Variants in IMPA2 observed in about 807,000 individuals in gnomAD.
IMPA2 encodes the protein inositol monophosphatase 2, also known as IMP 2.
IMPA2 carries 32 observed loss-of-function variants against 35.1 expected under a neutral mutation model. The ratio of observed to expected loss-of-function variants is 0.91; its 90% CI spans 0.69 to 1.23. The LOEUF is 1.23. Ranked by LOEUF, IMPA2 falls within the 50% of genes most tolerant of loss-of-function variation. The pLI is 0.00. For missense variants in IMPA2, 334 were observed against 387.6 expected, an observed-to-expected ratio of 0.86 and a Z score of 1.16; for synonymous variants, 135 against 160.6, an observed-to-expected ratio of 0.84 and a Z score of 1.20.
chr18:12,006,947 T>G (rs1907263181), intron 2 of IMPA2, among the ~76,000 whole-genome samples: 1 of 152,070 alleles, frequency 6.6e-6, no homozygotes, highest in South Asian at 2.1e-4. Context: ...CCGGCCAGCA[T>G]GGTGAAACCC....
At chr18:11,994,831 G>C (rs1456711537) in intron 1 of IMPA2, 2 of 152,552 alleles carry the variant, frequency 1.3e-5, no homozygotes, top group African/African-American at 4.8e-5. Context: ...AGTGATAAGT[G>C]CTGTGGGTGC....
chr18:11,993,621 C>T (rs1906875714), intron 1 of IMPA2, among the ~76,000 whole-genome samples: 1 of 152,216 alleles, frequency 6.6e-6, no homozygotes, highest in Admixed American at 6.5e-5. Context: ...TGACCAAGTA[C>T]AGTGGACTGT....
At chr18:12,000,862 G>T (rs946312541) in intron 2 of IMPA2, among the ~76,000 whole-genome samples, 4 of 150,950 alleles carry the variant, frequency 2.6e-5, no homozygotes, top group African/African-American at 7.3e-5. Context: ...TGATCCGCCC[G>T]CCTCGGCCTC....
intron 1 of IMPA2, among the ~76,000 whole-genome samples, chr18:11,997,371 A>C (rs554484374): frequency 1.3e-5 from 2 of 152,354 alleles, no homozygotes; most frequent in African/African-American, 4.8e-5. Context: ...GGAGGCTGTC[A>C]TAGGAATATG....
intron 2 of IMPA2, among the ~76,000 whole-genome samples, chr18:11,999,473 C>T (rs1344285341): frequency 6.6e-6 from 1 of 152,272 alleles, no homozygotes; most frequent in Non-Finnish European, 1.5e-5. Flanking sequence ...CCTTGCACCC[C>T]TGTACTCAAC....
intron 2 of IMPA2, chr18:12,008,404 A>G (rs1907338236): frequency 3.9e-6 from 2 of 517,976 alleles, no homozygotes; most frequent in African/African-American, 3.8e-5. Context: ...GCAAGGCCAC[A>G]TAGTCATGCA....
chr18:12,008,331 A>G (rs1399747927), intron 2 of IMPA2: 1 of 518,810 alleles, frequency 1.9e-6, no homozygotes, highest in South Asian at 1.4e-5. Flanking sequence ...TACTCTCTGC[A>G]GGTCTCCTTT....
At chr18:12,025,232 T>G (rs1167145125) in intron 5 of IMPA2, among the ~76,000 whole-genome samples, 1 of 152,242 alleles carries the variant, frequency 6.6e-6, no homozygotes, top group Non-Finnish European at 1.5e-5. Flanking sequence ...TGCTGGATAA[T>G]ATTCCACTGT....
Position 12,030,367 on chromosome 18 carries a change from G to A in IMPA2, c.776G>A (p.Cys259Tyr). The A allele has an allele frequency of 6.2e-7, 1 of 1,614,188 alleles. No individual in the cohort carries two copies. Among genetic ancestry groups the A allele is most frequent in the East Asian group, 2.2e-5 (1 of 44,886 alleles). The change falls in exon 8 of 8, where the codon TGC (cysteine) becomes TAC (tyrosine). Residue 259 changes from cysteine (C) to tyrosine (Y), a missense_variant. By Grantham distance (194) the Cys-to-Tyr change is radical. Transcript: ENST00000269159. The stretch of plus-strand genomic sequence containing the variant: ...GGTGGACCCCTCGACCTCATGGCTT[G>A]CAGAGTGGTTGCGGCCAGCACCCGG... Reference protein sequence around the residue: ...TSGGPLDLMACRVVAASTREM... With the variant: ...TSGGPLDLMAYRVVAASTREM...
intron 1 of IMPA2, among the ~76,000 whole-genome samples, chr18:11,993,237 G>A (rs182631415): frequency 1.3e-5 from 2 of 152,318 alleles, no homozygotes; most frequent in Admixed American, 1.3e-4. Context: ...TGAATTTAGA[G>A]CTGTCTGATT....
At chr18:12,024,121 C>T (rs1336207260) in intron 5 of IMPA2, among the ~76,000 whole-genome samples, 1 of 152,154 alleles carries the variant, frequency 6.6e-6, no homozygotes, top group Non-Finnish European at 1.5e-5. Context: ...GCAGTTATTG[C>T]ACCAGATGGA....
chr18:11,991,904 C>T lies in IMPA2; in HGVS notation c.97-7150C>T, dbSNP rs683190. ...TGTCTCCCAGGATGGAGTGCAGTGG[C>T]GTAATCTTGGCTCACCGCAACCTCC... On this transcript the variant is annotated intron_variant, in intron 1 of 7. Transcript: ENST00000269159. This position sits in a 1 kb window ranked among gnomAD's most constrained non-coding sequence, Gnocchi z 4.1. Among the ~76,000 whole-genome samples, 49,312 of 150,902 alleles carry T rather than the reference C, an allele frequency of 0.33. 10,305 individuals carry two copies. Among genetic ancestry groups the T allele is most frequent in the East Asian group, 0.6 (3,049 of 5,066 alleles).
intron 1 of IMPA2, among the ~76,000 whole-genome samples, chr18:11,988,634 TGAGATGA>T (rs1906729390): frequency 6.6e-6 from 1 of 152,084 alleles, no homozygotes; most frequent in Admixed American, 6.5e-5. Flanking sequence ...CTTTGGAGGC[TGAGATGA>T]CAGCCTCTGA....
intron 1 of IMPA2, among the ~76,000 whole-genome samples, chr18:11,984,829 G>A (rs1409433405): frequency 1.3e-5 from 2 of 151,168 alleles, no homozygotes; most frequent in East Asian, 4.1e-4. Context: ...TTAGCCGGGC[G>A]TGGTGGCGGG....
chr18:11,985,004 C>T (rs1182391125), intron 1 of IMPA2, among the ~76,000 whole-genome samples: 8 of 148,820 alleles, frequency 5.4e-5, no homozygotes, highest in East Asian at 3.9e-4. Flanking sequence ...ATCAGTCGAG[C>T]GTGGTGGCAC....
intron 1 of IMPA2, among the ~76,000 whole-genome samples, chr18:11,990,757 C>T (rs561864049): frequency 3.9e-5 from 6 of 152,302 alleles, no homozygotes; most frequent in South Asian, 2.1e-4. Context: ...TCAATTGTGA[C>T]GGCTCCAGCC....
intron 2 of IMPA2, among the ~76,000 whole-genome samples, chr18:12,009,471 C>T (rs548073595): frequency 5.9e-5 from 9 of 152,148 alleles, no homozygotes; most frequent in Non-Finnish European, 1.0e-4. Context: ...TCAGCATTGA[C>T]TGGGAGAATC....
intron 5 of IMPA2, among the ~76,000 whole-genome samples, chr18:12,022,649 G>A (rs933956563): frequency 6.7e-6 from 1 of 150,368 alleles, no homozygotes; most frequent in Non-Finnish European, 1.5e-5. Context: ...TGGATAACTA[G>A]TCAGAAATAA....
Position 11,986,053 on chromosome 18 carries a change from T to C in IMPA2, c.96+4288T>C, listed in dbSNP as rs562606248. The stretch of plus-strand genomic sequence containing the variant: ...GGGGGCCTTGATGCTTAAGCGTCAT[T>C]AGCTTCACAGGAAATTCATCTCTGT... On this transcript the variant is annotated intron_variant, in intron 1 of 7. Coordinates refer to ENST00000269159, the MANE Select transcript of IMPA2 (RefSeq NM_014214.3). 3.9e-5 allele frequency among the ~76,000 whole-genome samples: 6 copies of C among 152,328 alleles called. No homozygotes were observed. The East Asian group carries it at 1.2e-3, about 29-fold the overall frequency.
Sources: allele counts gnomAD v4.1 joint callset (sites outside exome capture counted in the v4.1 genomes callset), GRCh38; gene constraint gnomAD v4.1.1; non-coding constraint Gnocchi (gnomAD v3.1); transcripts MANE v1.5; gene names NCBI Gene and HGNC (gene_info 2026-07-23, HGNC 2026-07-21).